GCSAM: variants seen among roughly 807,000 people sequenced by gnomAD.
GCSAM encodes the protein germinal center associated signaling and motility.
GCSAM carries 8 observed loss-of-function variants against 17.6 expected under a neutral mutation model. The ratio of observed to expected loss-of-function variants is 0.46; its 90% CI spans 0.27 to 0.82. The LOEUF (loss-of-function observed/expected upper bound fraction) is 0.82, where lower values mean the gene tolerates loss of function less well. GCSAM is among the 40% of genes least tolerant of loss of function. The pLI is 0.15. For missense variants in GCSAM, 192 were observed against 213.5 expected, an observed-to-expected ratio of 0.90 and a Z score of 0.63; for synonymous variants, 68 against 69.0, an observed-to-expected ratio of 0.98 and a Z score of 0.07.
chr3:112,123,705 GT>G lies in GCSAM; in HGVS notation c.286del (p.Thr96GlnfsTer93). On this transcript the variant is annotated frameshift_variant, in exon 6 of 6. Coordinates refer to ENST00000308910, the MANE Select transcript of GCSAM (RefSeq NM_152785.5). LOFTEE classifies it low-confidence loss of function (END_TRUNC). ...TTCAGCAGAGTTCCCTGATGGCCTT[GT>G]ACAGAGAACCCGATGATTGATGAGG... is the stretch of plus-strand genomic sequence containing the variant. ...YTLINHRVLC[T>X]RPSGNSAEEY... 6.2e-7 allele frequency: 1 copy of G among 1,614,032 alleles called. No homozygotes were observed. The highest frequency in any genetic ancestry group is 1.1e-5 in the South Asian group (1 of 91,084).
chr3:112,129,250 G>A (rs2074398118), intron 2 of GCSAM: 1 of 152,202 alleles, frequency 6.6e-6, no homozygotes. Flanking sequence ...GAGATAAGAG[G>A]AGGGGGATGA....
In GCSAM at chr3:112,128,052, A is replaced by G; in HGVS notation, c.108T>C (p.Asp36=). 1 of 1,613,746 alleles carries G rather than the reference A, an allele frequency of 6.2e-7. No individual in the cohort carries two copies. Among genetic ancestry groups the G allele is most frequent in the South Asian group, 1.1e-5 (1 of 91,068 alleles). ...AGAAACACCCTTCAGCGATATGGTG[A>G]TCCCAGCATCTAAAATACCCAAGAG... The part of the protein sequence containing the change: ...SPKQRTSRCW[D]HHIAEGCFCL... The change falls in exon 3 of 6, where the codon GAT becomes GAC. Residue 36 remains aspartate, a synonymous_variant. Transcript: ENST00000308910.
In GCSAM at chr3:112,133,235, T is replaced by C; in HGVS notation, c.-115A>G. On this transcript the variant is annotated 5_prime_UTR_variant, in exon 1 of 6. Coordinates refer to ENST00000308910, the MANE Select transcript of GCSAM (RefSeq NM_152785.5). ...AGGGCTGTGTGGCTCTGGCCACCCG[T>C]GCAGAGACAGCAGAAAGGAGAAGGG... 1 of 1,087,576 alleles carries C rather than the reference T, an allele frequency of 9.2e-7. No individual in the cohort carries two copies. The highest frequency in any genetic ancestry group is 1.4e-6 in the Non-Finnish European group (1 of 711,732). 67.4% of individuals were successfully genotyped at this position (1,087,576 alleles called of 1,614,324 possible).
intron 1 of GCSAM, among the ~76,000 whole-genome samples, chr3:112,131,505 A>G (rs2074450697): frequency 6.6e-6 from 1 of 152,188 alleles, no homozygotes; most frequent in South Asian, 2.1e-4. Context: ...TAATGAATTT[A>G]TTTTTAAGAC....
chr3:112,123,268 G>C lies in GCSAM; in HGVS notation c.*187C>G. 4.7e-6 allele frequency: 5 copies of C among 1,055,566 alleles called. No individual in the cohort carries two copies. The highest frequency in any genetic ancestry group is 6.6e-6 in the Non-Finnish European group (5 of 753,288). 65.4% of individuals were successfully genotyped at this position (1,055,566 alleles called of 1,614,324 possible). A position where few individuals can be genotyped will look rare whatever the true frequency, so the allele number is the denominator to read the frequency against. ...TCAAATGGTGTTGTTCAGGATAAAT[G>C]GTTGATCTTTAGATTTTGGCTTTTG... On this transcript the variant is annotated 3_prime_UTR_variant, in exon 6 of 6. Coordinates refer to ENST00000308910, the MANE Select transcript of GCSAM (RefSeq NM_152785.5).
At chr3:112,124,006 T>C (rs1430021945) in intron 5 of GCSAM, among the ~76,000 whole-genome samples, 2 of 152,112 alleles carry the variant, frequency 1.3e-5, no homozygotes, top group African/African-American at 4.8e-5. Context: ...TGTTCCAGAG[T>C]GACCTCTGAC....
intron 2 of GCSAM, 21 bp downstream of exon 2, chr3:112,130,424 T>C (rs2074426021): frequency 6.2e-7 from 1 of 1,607,060 alleles, no homozygotes; most frequent in Admixed American, 1.7e-5. Flanking sequence ...CTGGGGGGTG[T>C]TTGGTTGATT....
At chr3:112,128,780 A>G (rs576775438) in intron 2 of GCSAM, 2 of 156,544 alleles carry the variant, frequency 1.3e-5, no homozygotes, top group Admixed American at 1.2e-4. Context: ...ATCTCTCTGC[A>G]GTCCTGCATC....
At chr3:112,133,023 C>CT in intron 1 of GCSAM, 69 bp downstream of exon 1, 1 of 1,526,970 alleles carries the variant, frequency 6.5e-7, no homozygotes, top group Non-Finnish European at 9.0e-7. Context: ...TACTAGCTTT[C>CT]TTTTTCTCTT....
chr3:112,123,187 C>T lies in GCSAM; in HGVS notation c.*268G>A, dbSNP rs572648350. ...CATAGCTTTAGGGGAATCAGGGAGCCCCTCCTACCACTATACTCTCCAAAC... is the reference window on the plus strand; with the variant it reads ...CATAGCTTTAGGGGAATCAGGGAGCTCCTCCTACCACTATACTCTCCAAAC... On this transcript the variant is annotated 3_prime_UTR_variant, in exon 6 of 6. Coordinates refer to ENST00000308910, the MANE Select transcript of GCSAM (RefSeq NM_152785.5). The T allele has an allele frequency of 1.0e-5, 5 of 501,196 alleles. No individual in the cohort carries two copies. In the South Asian group the frequency reaches 1.2e-4, roughly 12 times the overall value. The allele number at this position is 501,196 out of a possible 1,614,324, so 31.0% of individuals were successfully genotyped here.
intron 4 of GCSAM, among the ~76,000 whole-genome samples, chr3:112,125,766 G>A (rs1203065389): frequency 6.6e-6 from 1 of 152,192 alleles, no homozygotes; most frequent in Non-Finnish European, 1.5e-5. Flanking sequence ...TGTGATAATT[G>A]GTGTTCAAGG....
At chr3:112,130,316 T>G (rs1183097531) in intron 2 of GCSAM, 129 bp downstream of exon 2, 3 of 760,144 alleles carry the variant, frequency 3.9e-6, no homozygotes, top group Non-Finnish European at 4.7e-6. Context: ...TGTCTTCACA[T>G]TTGTTACTAT....
At chr3:112,130,712 A>G (rs2074433085) in intron 1 of GCSAM, 199 bp from the exon 2 acceptor site, 2 of 594,060 alleles carry the variant, frequency 3.4e-6, no homozygotes, top group Non-Finnish European at 6.1e-6. Flanking sequence ...CTCCATTGCC[A>G]CAGCAACAGC....
At position 112,122,440 on chromosome 3, in the gene GCSAM, TA is replaced by T. The variant is rs2074218183; in HGVS notation, c.*1014del. 1 of 152,182 alleles carries T rather than the reference TA, an allele frequency of 6.6e-6. No homozygotes were observed. The highest frequency in any genetic ancestry group is 1.5e-5 in the Non-Finnish European group (1 of 68,040). The allele number at this position is 152,182 out of a possible 1,614,324, so 9.4% of individuals were successfully genotyped here. ...GTTTGCTGATCCCTGGTTTAGAGGA[TA>T]GATATAATTTGAGGAACACTAAGGA... On this transcript the variant is annotated 3_prime_UTR_variant, in exon 6 of 6. Transcript: ENST00000308910.
chr3:112,130,423 G>A (rs2074425957), intron 2 of GCSAM, 22 bp downstream of exon 2: 2 of 1,605,132 alleles, frequency 1.2e-6, no homozygotes, highest in Middle Eastern at 1.7e-4. Flanking sequence ...TCTGGGGGGT[G>A]TTTGGTTGAT....
Position 112,125,129 on chromosome 3 carries a change from G to A in GCSAM, c.219+97C>T, listed in dbSNP as rs912437705. 3 of 820,626 alleles carry A rather than the reference G, an allele frequency of 3.7e-6. No individual in the cohort carries two copies. The African/African-American group carries it at 5.0e-5, about 14-fold the overall frequency. The allele number at this position is 820,626 out of a possible 1,614,324, so 50.8% of individuals were successfully genotyped here. A position where few individuals can be genotyped will look rare whatever the true frequency, so the allele number is the denominator to read the frequency against. ...CATCTAAAGTCTTTCTCCATGTAAG[G>A]GTCAGAAGGGATCTCAGAGGCCAAC... is the stretch of plus-strand genomic sequence containing the variant. On this transcript the variant is annotated intron_variant, in intron 5 of 5. Coordinates refer to ENST00000308910, the MANE Select transcript of GCSAM (RefSeq NM_152785.5).
At chr3:112,127,817 G>C (rs1036161533) in intron 3 of GCSAM, among the ~76,000 whole-genome samples, 200 bp downstream of exon 3, 1 of 152,206 alleles carries the variant, frequency 6.6e-6, no homozygotes, top group Non-Finnish European at 1.5e-5. Context: ...TGTTTGAGGA[G>C]AGCATGCGAC....
rs2074233508 is a variant in GCSAM, at chr3:112,123,244, C to T, written c.*211G>A. Reference sequence around the variant, plus strand: ...GAACCAAAGATGGTTACCTCTTTCTCAAATGGTGTTGTTCAGGATAAATGG... The same window carrying T: ...GAACCAAAGATGGTTACCTCTTTCTTAAATGGTGTTGTTCAGGATAAATGG... On this transcript the variant is annotated 3_prime_UTR_variant, in exon 6 of 6. Coordinates refer to ENST00000308910, the MANE Select transcript of GCSAM (RefSeq NM_152785.5). The T allele has an allele frequency of 5.7e-6, 5 of 882,162 alleles. No individual in the cohort carries two copies. Among genetic ancestry groups the T allele is most frequent in the Non-Finnish European group, 8.3e-6 (5 of 600,476 alleles). The allele number at this position is 882,162 out of a possible 1,614,324, so 54.6% of individuals were successfully genotyped here.
chr3:112,127,940 T>C (rs1019404029), intron 3 of GCSAM, 77 bp downstream of exon 3: 14 of 1,242,744 alleles, frequency 1.1e-5, no homozygotes, highest in East Asian at 9.4e-5. Context: ...CCACAGACAG[T>C]CACAGGTAAC....
Sources: gnomAD v4.1 joint callset for allele counts (sites outside exome capture counted in the v4.1 genomes callset) on GRCh38, gnomAD v4.1.1 for gene constraint, MANE v1.5 for transcripts, NCBI Gene and HGNC (gene_info 2026-07-23, HGNC 2026-07-21) for gene names.